TBC1D9: variants seen among roughly 807,000 people sequenced by gnomAD.
TBC1D9 encodes the protein TBC1 domain family member 9A.
Under a neutral mutation model 132.0 loss-of-function variants are expected in TBC1D9, and 63 were observed. The ratio of observed to expected loss-of-function variants is 0.48; its 90% CI spans 0.39 to 0.59. The LOEUF is 0.59. Ranked by LOEUF, TBC1D9 falls within the 20% of genes least tolerant of loss-of-function variation. TBC1D9 has a pLI of 0.00. For missense variants in TBC1D9, 1,261 were observed against 1,592.7 expected (o/e 0.79, Z 3.54); for synonymous variants, 610 against 609.9 (o/e 1.00, Z 0.00).
At chr4:140,736,006 C>T (rs970316140) in intron 1 of TBC1D9, among the ~76,000 whole-genome samples, 2 of 152,210 alleles carry the variant, frequency 1.3e-5, no homozygotes, top group African/African-American at 4.8e-5. Context: ...TGGGCAAACA[C>T]ACCCTGAAAC....
intron 1 of TBC1D9, among the ~76,000 whole-genome samples, chr4:140,731,098 G>C (rs939070306): frequency 6.6e-6 from 1 of 152,178 alleles, no homozygotes; most frequent in African/African-American, 2.4e-5. Context: ...AAGGCAGGTA[G>C]GCTGCAGAGG....
chr4:140,754,386 G>C (rs1738971270), intron 1 of TBC1D9, among the ~76,000 whole-genome samples: 1 of 152,004 alleles, frequency 6.6e-6, no homozygotes, highest in Admixed American at 6.6e-5. Context: ...GGCCAAAGTG[G>C]GCGGATTATT....
At chr4:140,665,554 T>C (rs948168995) in intron 9 of TBC1D9, among the ~76,000 whole-genome samples, 2 of 152,154 alleles carry the variant, frequency 1.3e-5, no homozygotes, top group African/African-American at 4.8e-5. Flanking sequence ...AGGTTAAACA[T>C]AGAGTTACCA....
chr4:140,654,329 G>C (rs375537766), intron 13 of TBC1D9, among the ~76,000 whole-genome samples: 2 of 152,326 alleles, frequency 1.3e-5, no homozygotes, highest in African/African-American at 4.8e-5. Context: ...GAAAGGGGAA[G>C]GGGGTGTCTG....
chr4:140,634,318 C>T (rs958578234), intron 15 of TBC1D9, 130 bp from the exon 16 acceptor site: 12 of 1,313,490 alleles, frequency 9.1e-6, no homozygotes, highest in Non-Finnish European at 1.2e-5. Flanking sequence ...GCTGTGGCCT[C>T]AGGGCCCCCT....
chr4:140,749,565 G>A (rs897339994), intron 1 of TBC1D9, among the ~76,000 whole-genome samples: 44 of 152,098 alleles, frequency 2.9e-4, no homozygotes, highest in African/African-American at 9.6e-4. Context: ...GCTCACACTT[G>A]TAATTCCAGC....
At chr4:140,643,026 G>A (rs1470321668) in intron 13 of TBC1D9, 7 of 934,642 alleles carry the variant, frequency 7.5e-6, no homozygotes, top group Non-Finnish European at 9.7e-6. Flanking sequence ...CTCCACGGAG[G>A]ACTTCATGGG....
intron 1 of TBC1D9, among the ~76,000 whole-genome samples, chr4:140,746,333 C>T (rs531908015): frequency 4.0e-4 from 61 of 152,228 alleles, no homozygotes; most frequent in African/African-American, 1.4e-3. Context: ...GAAGCCCCTA[C>T]GTTCTAATTC....
In TBC1D9 at chr4:140,634,285, C is replaced by A. The variant is rs192551578; in HGVS notation, c.2506-97G>T. 35 of 1,511,046 alleles carry A rather than the reference C, an allele frequency of 2.3e-5. No individual in the cohort carries two copies. In the African/African-American group the frequency reaches 4.4e-4, roughly 19 times the overall value. The allele number at this position is 1,511,046 out of a possible 1,614,324, so 93.6% of individuals were successfully genotyped here. A position where few individuals can be genotyped will look rare whatever the true frequency, so the allele number is the denominator to read the frequency against. On this transcript the variant is annotated intron_variant, in intron 15 of 20. Transcript: ENST00000442267. ...AGTTTGGAAAGGGCTTTAGGTGAAT[C>A]TGTGTGCATCCCCTGGGGCAGGGCT...
intron 13 of TBC1D9, among the ~76,000 whole-genome samples, chr4:140,640,162 G>A: frequency 6.6e-6 from 1 of 152,150 alleles, no homozygotes; most frequent in East Asian, 1.9e-4. Flanking sequence ...TTTTGCCAAG[G>A]TTGAGGAAAT....
intron 13 of TBC1D9, among the ~76,000 whole-genome samples, chr4:140,649,709 T>C (rs889689685): frequency 6.6e-6 from 1 of 152,028 alleles, no homozygotes; most frequent in Admixed American, 6.6e-5. Context: ...GGGGAGTAGA[T>C]GTTCAGGAGG....
chr4:140,728,673 G>GT (rs1420234059), intron 1 of TBC1D9, among the ~76,000 whole-genome samples: 2 of 150,296 alleles, frequency 1.3e-5, no homozygotes, highest in African/African-American at 2.4e-5. Flanking sequence ...GGCTTTTTTT[G>GT]TTTTTTTGAG....
Position 140,679,691 on chromosome 4 carries a change from C to G in TBC1D9, c.513G>C (p.Gly171=). ...VNYYSCSYWK[G]KVPRQGWMYL... ...ACATCCAACCCTGACGGGGGACCTT[C>G]CCCTTCCAATAGCTGCAAGAGTAAT... The change falls in exon 4 of 21, where the codon GGG becomes GGC. Residue 171 remains glycine, a synonymous_variant. Coordinates refer to ENST00000442267, the MANE Select transcript of TBC1D9 (RefSeq NM_015130.3). 2 of 1,613,850 alleles carry G rather than the reference C, an allele frequency of 1.2e-6. No individual in the cohort carries two copies. The highest frequency in any genetic ancestry group is 1.7e-6 in the Non-Finnish European group (2 of 1,179,838).
At chr4:140,665,191 G>C (rs1380323934) in intron 9 of TBC1D9, among the ~76,000 whole-genome samples, 4 of 151,732 alleles carry the variant, frequency 2.6e-5, no homozygotes, top group African/African-American at 9.7e-5. Flanking sequence ...AAGCATAGTA[G>C]TGTAAATCTT....
chr4:140,740,859 T>A (rs1258209484), intron 1 of TBC1D9, among the ~76,000 whole-genome samples: 4 of 152,244 alleles, frequency 2.6e-5, no homozygotes, highest in African/African-American at 9.6e-5. Context: ...AAAATCTTAA[T>A]GGATTTCCTG....
chr4:140,684,414 ATG>A (rs1430927624), intron 3 of TBC1D9, among the ~76,000 whole-genome samples: 2 of 152,152 alleles, frequency 1.3e-5, no homozygotes, highest in Non-Finnish European at 2.9e-5. Context: ...ATTGGACAAT[ATG>A]TGAATGCTTA....
intron 2 of TBC1D9, among the ~76,000 whole-genome samples, chr4:140,693,381 C>G (rs183477338): frequency 2.0e-5 from 3 of 152,152 alleles, no homozygotes; most frequent in Non-Finnish European, 2.9e-5. Context: ...ATGAGTGAGG[C>G]GATATTACTT....
At position 140,657,517 on chromosome 4, in the gene TBC1D9, AGTACAATACCTTC is replaced by A; in HGVS notation, c.2204_2207+9del. The A allele has an allele frequency of 6.2e-7, 1 of 1,606,336 alleles. No individual in the cohort carries two copies. Among genetic ancestry groups the A allele is most frequent in the Non-Finnish European group, 8.5e-7 (1 of 1,175,964 alleles). On this transcript the variant is annotated splice_donor_variant and splice_donor_5th_base_variant and coding_sequence_variant and intron_variant, in exon 12 of 21. Transcript: ENST00000442267. LOFTEE classifies it high-confidence loss of function. Reference sequence around the variant, plus strand: ...GGAGATGGTTTTCAAAGTTAGGCTTAGTACAATACCTTCCCAAAACGGTCATGGCCTCCCCATC... The same window carrying A: ...GGAGATGGTTTTCAAAGTTAGGCTTACCAAAACGGTCATGGCCTCCCCATC...
intron 2 of TBC1D9, among the ~76,000 whole-genome samples, chr4:140,687,381 TATATATATATATATAA>T: frequency 1.5e-5 from 1 of 68,624 alleles, no homozygotes; most frequent in African/African-American, 7.0e-5. Flanking sequence ...TATATATATA[TATATATATATATATAA>T]ACATATAGTA....
Sources: allele counts gnomAD v4.1 joint callset (sites outside exome capture counted in the v4.1 genomes callset), GRCh38; gene constraint gnomAD v4.1.1; transcripts MANE v1.5; gene names NCBI Gene and HGNC (gene_info 2026-07-23, HGNC 2026-07-21).